Variants in CADPS2 observed in about 807,000 individuals in gnomAD.
CADPS2 encodes calcium-dependent secretion activator 2.
CADPS2 carries 93 observed loss-of-function variants against 172.5 expected under a neutral mutation model. The ratio of observed to expected loss-of-function variants is 0.54; its 90% CI spans 0.46 to 0.64. The LOEUF (loss-of-function observed/expected upper bound fraction) is 0.64, where lower values mean the gene tolerates loss of function less well. CADPS2 is among the 30% of genes least tolerant of loss of function. The probability of loss-of-function intolerance (pLI) is 0.00; values close to 1 mark genes in which losing one functional copy is unlikely to be tolerated. For missense variants in CADPS2, 1,420 were observed against 1,565.9 expected (o/e 0.91, Z 1.57); for synonymous variants, 546 against 555.2 (o/e 0.98, Z 0.23).
chr7:122,539,982 A>C (rs1180303972), intron 8 of CADPS2, among the ~76,000 whole-genome samples: 3 of 152,056 alleles, frequency 2.0e-5, no homozygotes, highest in African/African-American at 4.8e-5. Context: ...AAATGTTTCA[A>C]GTCACATTTT....
At chr7:122,541,668 T>C (rs1298338204) in intron 8 of CADPS2, among the ~76,000 whole-genome samples, 2 of 145,904 alleles carry the variant, frequency 1.4e-5, no homozygotes, top group East Asian at 3.9e-4. Flanking sequence ...TATATATTCA[T>C]ATATGTTTAT....
At chr7:122,362,400 C>G (rs2040268076) in intron 25 of CADPS2, among the ~76,000 whole-genome samples, 1 of 152,104 alleles carries the variant, frequency 6.6e-6, no homozygotes, top group African/African-American at 2.4e-5. Flanking sequence ...CAGGCTTCCT[C>G]CATCAGTTAA....
At chr7:122,617,553 C>A (rs76060204) in intron 5 of CADPS2, among the ~76,000 whole-genome samples, 1 of 152,070 alleles carries the variant, frequency 6.6e-6, no homozygotes, top group African/African-American at 2.4e-5. Context: ...AGAAGAGAGG[C>A]ATGTATAAAA....
At chr7:122,573,367 T>A (rs567118607) in intron 7 of CADPS2, among the ~76,000 whole-genome samples, 1 of 152,008 alleles carries the variant, frequency 6.6e-6, no homozygotes, top group South Asian at 2.1e-4. Context: ...ATTGTGAGAC[T>A]CCATCTCTAT....
At chr7:122,822,260 T>C (rs1410858137) in intron 1 of CADPS2, among the ~76,000 whole-genome samples, 1 of 152,016 alleles carries the variant, frequency 6.6e-6, no homozygotes, top group Non-Finnish European at 1.5e-5. Context: ...TCTCCTTCTG[T>C]TATTCCATTT....
rs555867478 is a variant in CADPS2, at chr7:122,809,376, T to C, written c.340-72308A>G. Among the ~76,000 whole-genome samples, 5 of 148,838 alleles carry C rather than the reference T, an allele frequency of 3.4e-5. No individual in the cohort carries two copies. The East Asian group carries it at 9.9e-4, about 29-fold the overall frequency. On this transcript the variant is annotated intron_variant, in intron 1 of 29. Transcript: ENST00000449022. ...TGAGATCAAGAGTTCAAGACCAGCCTGGCCAAGATGGTGAAACCCCATCTC... is the reference window on the plus strand; with the variant it reads ...TGAGATCAAGAGTTCAAGACCAGCCCGGCCAAGATGGTGAAACCCCATCTC...
chr7:122,541,433 T>C (rs954556399), intron 8 of CADPS2, among the ~76,000 whole-genome samples: 2 of 148,192 alleles, frequency 1.3e-5, no homozygotes, highest in Non-Finnish European at 3.0e-5. Flanking sequence ...CTTGAACTCC[T>C]GGCCTCAGGT....
intron 9 of CADPS2, among the ~76,000 whole-genome samples, chr7:122,504,407 A>T (rs1319240478): frequency 6.6e-6 from 1 of 152,154 alleles, no homozygotes; most frequent in Non-Finnish European, 1.5e-5. Flanking sequence ...ATAACGCAGT[A>T]TAGTCAGCAC....
intron 3 of CADPS2, among the ~76,000 whole-genome samples, chr7:122,655,467 T>C (rs1032332440): frequency 2.0e-5 from 3 of 152,164 alleles, no homozygotes; most frequent in African/African-American, 7.2e-5. Flanking sequence ...TGCTGAAGGC[T>C]CAAATGCTTG....
At chr7:122,709,116 C>T (rs553607013) in intron 2 of CADPS2, among the ~76,000 whole-genome samples, 1 of 152,182 alleles carries the variant, frequency 6.6e-6, no homozygotes, top group African/African-American at 2.4e-5. Context: ...TCTTAATAGG[C>T]TACTCTGCCC....
intron 20 of CADPS2, among the ~76,000 whole-genome samples, chr7:122,405,268 G>A (rs1323098981): frequency 6.6e-6 from 1 of 152,182 alleles, no homozygotes; most frequent in African/African-American, 2.4e-5. Flanking sequence ...AAACCTGACT[G>A]TAATTTCATA....
intron 1 of CADPS2, among the ~76,000 whole-genome samples, chr7:122,845,571 C>T (rs868136654): frequency 1.3e-5 from 2 of 152,310 alleles, no homozygotes; most frequent in African/African-American, 4.8e-5. Context: ...TGCCCTTTCT[C>T]CATTCTCCTC....
At chr7:122,584,673 G>A (rs1042008461) in intron 6 of CADPS2, among the ~76,000 whole-genome samples, 3 of 149,388 alleles carry the variant, frequency 2.0e-5, no homozygotes, top group Non-Finnish European at 2.9e-5. Context: ...CTTCCATTCC[G>A]GGCAAGCATT....
At chr7:122,834,134 G>A (rs1203557614) in intron 1 of CADPS2, among the ~76,000 whole-genome samples, 1 of 152,182 alleles carries the variant, frequency 6.6e-6, no homozygotes, top group Non-Finnish European at 1.5e-5. Context: ...AAGCAAGACA[G>A]ACCTGGAAGA....
intron 9 of CADPS2, among the ~76,000 whole-genome samples, chr7:122,508,059 G>A (rs956870899): frequency 6.6e-6 from 1 of 152,062 alleles, no homozygotes; most frequent in African/African-American, 2.4e-5. Context: ...CACTACTTGT[G>A]TAGAAAATTT....
At chr7:122,476,726 C>T (rs556329705) in intron 12 of CADPS2, among the ~76,000 whole-genome samples, 2 of 152,152 alleles carry the variant, frequency 1.3e-5, no homozygotes, top group East Asian at 1.9e-4. Context: ...AAATCAACAA[C>T]CTTCAATTTC....
intron 28 of CADPS2, among the ~76,000 whole-genome samples, chr7:122,330,162 T>C (rs926998080): frequency 5.9e-5 from 9 of 152,232 alleles, no homozygotes; most frequent in African/African-American, 1.4e-4. Flanking sequence ...AATCTGTATG[T>C]TTGGCAAGAG....
chr7:122,873,805 C>T (rs149274923), intron 1 of CADPS2, among the ~76,000 whole-genome samples: 95 of 152,214 alleles, frequency 6.2e-4, no homozygotes, highest in African/African-American at 1.1e-3. Context: ...AAAGCATTCC[C>T]GTTTCTCCAC....
rs959214830 is a variant in CADPS2, at chr7:122,663,236, C to T, written c.786+1G>A. 6.2e-7 allele frequency: 1 copy of T among 1,600,610 alleles called. No individual in the cohort carries two copies. Among genetic ancestry groups the T allele is most frequent in the African/African-American group, 1.3e-5 (1 of 74,646 alleles). ...AAGGGAAAATATCAGAGACCACTTACCTGACATGCATTATAAAGGAGCTGG... is the reference window on the plus strand; with the variant it reads ...AAGGGAAAATATCAGAGACCACTTATCTGACATGCATTATAAAGGAGCTGG... On this transcript the variant is annotated splice_donor_variant, in intron 3 of 29. Transcript: ENST00000449022. LOFTEE classifies it high-confidence loss of function.
Sources: gnomAD v4.1 joint callset for allele counts (sites outside exome capture counted in the v4.1 genomes callset) on GRCh38, gnomAD v4.1.1 for gene constraint, MANE v1.5 for transcripts, NCBI Gene and HGNC (gene_info 2026-07-23, HGNC 2026-07-21) for gene names.